Variants in IL1A observed in about 807,000 individuals in gnomAD.
IL1A encodes interleukin 1 alpha.
A neutral mutation model predicts 22.2 loss-of-function variants in IL1A; 16 were observed. That is an observed-to-expected ratio of 0.72 (90% CI 0.49 to 1.09). The LOEUF (loss-of-function observed/expected upper bound fraction) is 1.09. Among genes scored for constraint, IL1A ranks in the 50% least tolerant of loss-of-function variants. IL1A has a pLI of 0.00. For missense variants in IL1A, 317 were observed against 321.8 expected (o/e 0.99, Z 0.11); for synonymous variants, 113 against 118.5 (o/e 0.95, Z 0.30).
Position 112,783,664 on chromosome 2 carries a change from T to A in IL1A, c.47+60A>T, listed in dbSNP as rs576941251. ...CATGCTGGCCACTGTTATGCCTAGC[T>A]GGATTCTGGTGAGCCTTGAAACCCT... On this transcript the variant is annotated intron_variant, in intron 2 of 6. Transcript: ENST00000263339. 3 of 1,445,624 alleles carry A rather than the reference T, an allele frequency of 2.1e-6. No homozygotes were observed. In the African/African-American group the frequency reaches 4.2e-5, roughly 20 times the overall value. The allele number at this position is 1,445,624 out of a possible 1,614,324, so 89.5% of individuals were successfully genotyped here.
In IL1A at chr2:112,774,824, A is replaced by G. The variant is rs2104905173; in HGVS notation, c.*243T>C. The G allele has an allele frequency of 2.6e-6, 1 of 391,428 alleles. No individual in the cohort carries two copies. Among genetic ancestry groups the G allele is most frequent in the Admixed American group, 3.8e-5 (1 of 26,020 alleles). The allele number at this position is 391,428 out of a possible 1,614,324, so 24.2% of individuals were successfully genotyped here. A position where few individuals can be genotyped will look rare whatever the true frequency, so the allele number is the denominator to read the frequency against. Reference sequence around the variant, plus strand: ...TAGTCAGTAGCTCTGGTCCTCCTAAAATTGTTATGAAGAATAATAATTAAA... The same window carrying G: ...TAGTCAGTAGCTCTGGTCCTCCTAAGATTGTTATGAAGAATAATAATTAAA... On this transcript the variant is annotated 3_prime_UTR_variant, in exon 7 of 7. Transcript: ENST00000263339.
At chr2:112,776,191 G>A (rs1191115246) in intron 6 of IL1A, among the ~76,000 whole-genome samples, 1 of 152,028 alleles carries the variant, frequency 6.6e-6, no homozygotes, top group Non-Finnish European at 1.5e-5. Context: ...CTTCTGATCT[G>A]TTTTCTATTT....
intron 5 of IL1A, 136 bp from the exon 6 acceptor site, chr2:112,778,247 C>A (rs1681135715): frequency 1.4e-6 from 1 of 694,152 alleles, no homozygotes; most frequent in East Asian, 2.8e-5. Context: ...TAGGTCCCCA[C>A]CTATGGTGTA....
chr2:112,777,222 A>G lies in IL1A; in HGVS notation c.615+765T>C, dbSNP rs543367933. On this transcript the variant is annotated intron_variant, in intron 6 of 6. Transcript: ENST00000263339. ...TAGAGGCTTTGATGCACCACTGTCC[A>G]CACTGCTGTTGGCACTATGCCTGAA... Among the ~76,000 whole-genome samples the G allele has an allele frequency of 3.8e-4, 58 of 151,986 alleles. No homozygotes were observed. In the South Asian group the frequency reaches 7.1e-3, roughly 18 times the overall value.
At chr2:112,781,509 T>G in intron 4 of IL1A, 95 bp downstream of exon 4, 1 of 954,586 alleles carries the variant, frequency 1.0e-6, no homozygotes, top group Non-Finnish European at 1.7e-6. Flanking sequence ...TGTCTTCTTG[T>G]TATTCTGACT....
rs1253491588 is a variant in IL1A at position 112,774,095 on chromosome 2, A to T, written c.*972T>A. The T allele has an allele frequency of 6.6e-6, 1 of 151,666 alleles. No homozygotes were observed. Among genetic ancestry groups the T allele is most frequent in the Non-Finnish European group, 1.5e-5 (1 of 67,982 alleles). The allele number at this position is 151,666 out of a possible 1,614,324, so 9.4% of individuals were successfully genotyped here. The stretch of plus-strand genomic sequence containing the variant: ...AGTGGTCTCATGGTTGTCAAAGTTG[A>T]GTTCATCTAATTTTAGCTTGTAGGA... On this transcript the variant is annotated 3_prime_UTR_variant, in exon 7 of 7. Coordinates refer to ENST00000263339, the MANE Select transcript of IL1A (RefSeq NM_000575.5).
At chr2:112,778,952 T>C (rs1303666199) in intron 5 of IL1A, among the ~76,000 whole-genome samples, 1 of 152,232 alleles carries the variant, frequency 6.6e-6, no homozygotes, top group South Asian at 2.1e-4. Flanking sequence ...ATGTCCGCCA[T>C]GAAAATTGGA....
At chr2:112,777,721 T>C (rs1462463886) in intron 6 of IL1A, among the ~76,000 whole-genome samples, 1 of 152,130 alleles carries the variant, frequency 6.6e-6, no homozygotes, top group Non-Finnish European at 1.5e-5. Context: ...ATGGAATAAA[T>C]GGATGCTCTG....
chr2:112,780,244 A>C (rs1265439446), intron 4 of IL1A, among the ~76,000 whole-genome samples: 1 of 152,242 alleles, frequency 6.6e-6, no homozygotes, highest in Admixed American at 6.5e-5. Context: ...TACATTGCTA[A>C]GTAAGAAAAG....
intron 5 of IL1A, 87 bp from the exon 6 acceptor site, chr2:112,778,198 GT>G: frequency 4.7e-6 from 3 of 635,886 alleles, no homozygotes; most frequent in Non-Finnish European, 7.5e-6. Context: ...TGCATGGTGT[GT>G]GTGTGTGTGT....
chr2:112,783,907 T>C (rs1681256603), intron 1 of IL1A, 129 bp from the exon 2 acceptor site: 2 of 791,860 alleles, frequency 2.5e-6, no homozygotes, highest in African/African-American at 1.7e-5. Flanking sequence ...CAGCATTTTC[T>C]CCATCTTCTA....
chr2:112,784,201 C>T (rs933845796), intron 1 of IL1A, among the ~76,000 whole-genome samples: 3 of 152,220 alleles, frequency 2.0e-5, no homozygotes, highest in Admixed American at 2.0e-4. Context: ...GTTGTATTCA[C>T]CCATGCCCTC....
At chr2:112,775,512 T>C (rs1681084654) in intron 6 of IL1A, among the ~76,000 whole-genome samples, 1 of 152,164 alleles carries the variant, frequency 6.6e-6, no homozygotes, top group Non-Finnish European at 1.5e-5. Context: ...TCTAAATTAG[T>C]TATGAAGATT....
At chr2:112,781,477 A>G (rs527883350) in intron 4 of IL1A, 127 bp downstream of exon 4, 1 of 773,670 alleles carries the variant, frequency 1.3e-6, no homozygotes, top group Non-Finnish European at 2.3e-6. Context: ...TCCTCTGTAT[A>G]GTTACCAGAC....
Position 112,774,883 on chromosome 2 carries a change from TTAAA to T in IL1A, c.*180_*183del. On this transcript the variant is annotated 3_prime_UTR_variant, in exon 7 of 7. Coordinates refer to ENST00000263339, the MANE Select transcript of IL1A (RefSeq NM_000575.5). ...TACTATGCAAAATATAGGGTGTTCT[TTAAA>T]TAACAACATTATATGTTAGTGTTGG... The T allele has an allele frequency of 1.7e-6, 1 of 572,822 alleles. No individual in the cohort carries two copies. Among genetic ancestry groups the T allele is most frequent in the Non-Finnish European group, 3.1e-6 (1 of 320,610 alleles). 35.5% of individuals were successfully genotyped at this position (572,822 alleles called of 1,614,324 possible).
rs1433509094 is a variant in IL1A, at chr2:112,781,795, A to G, written c.128T>C (p.Leu43Pro). ...KSFYHVSYGP[L>P]HEGCMDQSVS... Reference sequence around the variant, plus strand: ...AGATTGATCCATGCAGCCTTCATGGAGTGGGCCATAGCTTACATGATAGAA... The same window carrying G: ...AGATTGATCCATGCAGCCTTCATGGGGTGGGCCATAGCTTACATGATAGAA... The change falls in exon 4 of 7, where the codon CTC (leucine) becomes CCC (proline). Residue 43 changes from leucine to proline, a missense_variant. By Grantham distance (98) the Leu-to-Pro change is moderately conservative. Coordinates refer to ENST00000263339, the MANE Select transcript of IL1A (RefSeq NM_000575.5). 1 of 1,613,850 alleles carries G rather than the reference A, an allele frequency of 6.2e-7. No individual in the cohort carries two copies. Among genetic ancestry groups the G allele is most frequent in the African/African-American group, 1.3e-5 (1 of 74,910 alleles).
chr2:112,784,254 C>T (rs569665427), intron 1 of IL1A, among the ~76,000 whole-genome samples, 189 bp downstream of exon 1: 26 of 152,316 alleles, frequency 1.7e-4, no homozygotes, highest in African/African-American at 6.3e-4. Context: ...ACGAATCAGT[C>T]CTTATCAGCA....
chr2:112,777,963 A>T (rs56107760), intron 6 of IL1A, 24 bp downstream of exon 6: 1 of 1,613,240 alleles, frequency 6.2e-7, no homozygotes, highest in East Asian at 2.2e-5. Flanking sequence ...AATGAAGGTA[A>T]GTTGGAGACA....
At position 112,778,030 on chromosome 2, in the gene IL1A, A is replaced by C. The variant is rs1357564591; in HGVS notation, c.572T>G (p.Leu191Trp). 1.2e-6 allele frequency: 2 copies of C among 1,614,062 alleles called. No individual in the cohort carries two copies. Among genetic ancestry groups the C allele is most frequent in the Non-Finnish European group, 1.7e-6 (2 of 1,180,032 alleles). Residue 191 changes from leucine (L) to tryptophan (W), a missense_variant, in exon 6 of 7, where the codon TTG becomes TGG. Physicochemically the swap from Leu to Trp is moderately conservative, Grantham distance 61 (BLOSUM62 -2). Transcript: ENST00000263339. Reference protein sequence around the residue: ...TVILRISKTQLYVTAQDEDQP... With the variant: ...TVILRISKTQWYVTAQDEDQP... The stretch of plus-strand genomic sequence containing the variant: ...GTCTTCATCTTGGGCAGTCACATAC[A>C]ATTGAGTTTTTGAGATTCTTAGAAT...
Sources: gnomAD v4.1 joint callset for allele counts (sites outside exome capture counted in the v4.1 genomes callset) on GRCh38, gnomAD v4.1.1 for gene constraint, MANE v1.5 for transcripts, NCBI Gene and HGNC (gene_info 2026-07-23, HGNC 2026-07-21) for gene names.